The following ZNF277 variants were observed in gnomAD, a reference collection of about 807,000 sequenced individuals.
The protein encoded by ZNF277 is zinc finger protein 277.
ZNF277 carries 55 observed loss-of-function variants against 60.7 expected under a neutral mutation model. The observed-to-expected ratio is 0.91, with a 90% confidence interval of 0.73 to 1.13. The LOEUF (loss-of-function observed/expected upper bound fraction) is 1.13. Ranked by LOEUF, ZNF277 falls within the 50% of genes most tolerant of loss-of-function variation. ZNF277 has a pLI of 0.00. For missense variants in ZNF277, 510 were observed against 523.0 expected, an observed-to-expected ratio of 0.98 and a Z score of 0.24; for synonymous variants, 178 against 179.3, an observed-to-expected ratio of 0.99 and a Z score of 0.06.
At chr7:112,342,433 C>A (rs959880114) in intron 11 of ZNF277, 128 bp from the exon 12 acceptor site, 25 of 713,892 alleles carry the variant, frequency 3.5e-5, no homozygotes, top group Non-Finnish European at 4.8e-5. Context: ...TCCAGTATAG[C>A]CTTTGCAAAA....
chr7:112,257,294 G>T (rs1049989032), intron 1 of ZNF277, among the ~76,000 whole-genome samples: 3 of 152,204 alleles, frequency 2.0e-5, no homozygotes, highest in African/African-American at 7.2e-5. Flanking sequence ...CACTGTGCTA[G>T]GTGGTAGAAC....
chr7:112,294,177 C>T (rs1792273940), intron 2 of ZNF277, among the ~76,000 whole-genome samples: 1 of 152,168 alleles, frequency 6.6e-6, no homozygotes, highest in African/African-American at 2.4e-5. Flanking sequence ...TCTTCTCTTT[C>T]CCCTTTTTTC....
intron 1 of ZNF277, among the ~76,000 whole-genome samples, chr7:112,283,333 G>C (rs1019930351): frequency 7.2e-5 from 11 of 152,168 alleles, no homozygotes; most frequent in African/African-American, 2.4e-4. Flanking sequence ...TTGGAGACCA[G>C]CCAGGCCAGC....
At chr7:112,290,286 A>G (rs1792177586) in intron 2 of ZNF277, among the ~76,000 whole-genome samples, 1 of 152,216 alleles carries the variant, frequency 6.6e-6, no homozygotes, top group Non-Finnish European at 1.5e-5. Flanking sequence ...CAGAGTTTGT[A>G]TTCTCCTTTG....
chr7:112,317,664 GATGA>G (rs1197516526), intron 4 of ZNF277, among the ~76,000 whole-genome samples: 1 of 152,066 alleles, frequency 6.6e-6, no homozygotes, highest in Non-Finnish European at 1.5e-5. Context: ...GCAAAAAGAG[GATGA>G]ATATGTTAGA....
At chr7:112,215,538 C>G (rs1039426893) in intron 1 of ZNF277, among the ~76,000 whole-genome samples, 1 of 152,232 alleles carries the variant, frequency 6.6e-6, no homozygotes, top group Non-Finnish European at 1.5e-5. Context: ...CTCACCGGAG[C>G]TAATAAGAGA....
chr7:112,239,846 G>C (rs1790900590), intron 1 of ZNF277, among the ~76,000 whole-genome samples: 1 of 152,134 alleles, frequency 6.6e-6, no homozygotes, highest in Non-Finnish European at 1.5e-5. Context: ...GGGACTAAAA[G>C]ATGAACCAAT....
At position 112,340,914 on chromosome 7, in the gene ZNF277, G is replaced by T. The variant is rs118037073; in HGVS notation, c.1052G>T (p.Arg351Leu). 6.2e-7 allele frequency: 1 copy of T among 1,610,868 alleles called. No individual in the cohort carries two copies. The highest frequency in any genetic ancestry group is 8.5e-7 in the Non-Finnish European group (1 of 1,179,024). Residue 351 changes from arginine to leucine, a missense_variant, in exon 11 of 12, where the codon CGG becomes CTG. Coordinates refer to ENST00000361822, the MANE Select transcript of ZNF277 (RefSeq NM_021994.3). ...CAAGTGAAACTGGTCAATTTTATTC[G>T]GAGGCAAGTTCACCAATGCAGATGT... ...YQQVKLVNFI[R>L]RQVHQCRCYG...
chr7:112,317,933 A>G (rs1792877033), intron 4 of ZNF277, among the ~76,000 whole-genome samples: 1 of 152,144 alleles, frequency 6.6e-6, no homozygotes, highest in Non-Finnish European at 1.5e-5. Flanking sequence ...AAGACAGGGT[A>G]GCAAAGGACG....
intron 1 of ZNF277, among the ~76,000 whole-genome samples, chr7:112,263,379 AGTTTAAAACT>A (rs1352497912): frequency 1.3e-5 from 2 of 152,356 alleles, no homozygotes; most frequent in East Asian, 3.9e-4. Flanking sequence ...CATTGGGATG[AGTTTAAAACT>A]GTTTATGATT....
intron 4 of ZNF277, among the ~76,000 whole-genome samples, chr7:112,311,535 AT>A (rs1362520031): frequency 1.3e-5 from 2 of 151,594 alleles, no homozygotes; most frequent in East Asian, 1.9e-4. Flanking sequence ...CCCAGCATGA[AT>A]TTTTTTTTAG....
At chr7:112,278,685 T>A (rs1460488776) in intron 1 of ZNF277, among the ~76,000 whole-genome samples, 1 of 152,186 alleles carries the variant, frequency 6.6e-6, no homozygotes, top group Non-Finnish European at 1.5e-5. Context: ...TGGGAAGTAA[T>A]GGGACCATAA....
At chr7:112,296,900 A>ATTTTT (rs1563219652) in intron 4 of ZNF277, among the ~76,000 whole-genome samples, 5 of 26,398 alleles carry the variant, frequency 1.9e-4, no homozygotes, top group Admixed American at 1.7e-3. Context: ...TTATTTATTT[A>ATTTTT]TTTATTTATT....
intron 1 of ZNF277, among the ~76,000 whole-genome samples, chr7:112,243,782 A>T (rs896690200): frequency 1.4e-4 from 21 of 152,130 alleles, no homozygotes; most frequent in African/African-American, 5.1e-4. Context: ...CTCTCATTTT[A>T]TACAGCAGTC....
chr7:112,321,284 T>C (rs1426303294), intron 5 of ZNF277, among the ~76,000 whole-genome samples: 2 of 152,068 alleles, frequency 1.3e-5, no homozygotes, highest in Admixed American at 1.3e-4. Context: ...GGGATTGCAA[T>C]TAACATTTCA....
Position 112,214,946 on chromosome 7 carries a change from C to T in ZNF277, c.91+8139C>T, listed in dbSNP as rs1231673747. ...GGAAAATCGTTTAACCTCTCTGAGCCTCAGTTTCATCAGGAAAAAAAAAAT... is the reference window on the plus strand; with the variant it reads ...GGAAAATCGTTTAACCTCTCTGAGCTTCAGTTTCATCAGGAAAAAAAAAAT... On this transcript the variant is annotated intron_variant, in intron 1 of 11. Coordinates refer to ENST00000361822, the MANE Select transcript of ZNF277 (RefSeq NM_021994.3). 2.0e-5 allele frequency among the ~76,000 whole-genome samples: 3 copies of T among 151,938 alleles called. No homozygotes were observed. The East Asian group carries it at 5.8e-4, about 29-fold the overall frequency.
intron 4 of ZNF277, among the ~76,000 whole-genome samples, chr7:112,313,946 A>C (rs1246145452): frequency 6.6e-6 from 1 of 152,076 alleles, no homozygotes; most frequent in African/African-American, 2.4e-5. Context: ...ATTTATTGAG[A>C]ATCTACTATA....
At chr7:112,210,384 A>C (rs1658996370) in intron 1 of ZNF277, among the ~76,000 whole-genome samples, 1 of 151,712 alleles carries the variant, frequency 6.6e-6, no homozygotes, top group Non-Finnish European at 1.5e-5. Flanking sequence ...GTGTTGCCAG[A>C]CTTCTGTGGC....
intron 1 of ZNF277, among the ~76,000 whole-genome samples, chr7:112,232,042 C>CATATATATACATAT (rs1554484776): frequency 7.5e-6 from 1 of 133,258 alleles, no homozygotes; most frequent in African/African-American, 3.2e-5. Context: ...TAAATAAATA[C>CATATATATACATAT]ATATATATAT....
Sources: gnomAD v4.1 joint callset for allele counts (sites outside exome capture counted in the v4.1 genomes callset) on GRCh38, gnomAD v4.1.1 for gene constraint, MANE v1.5 for transcripts, NCBI Gene and HGNC (gene_info 2026-07-23, HGNC 2026-07-21) for gene names.